The following MYH11 variants were observed in gnomAD, a reference collection of about 807,000 sequenced individuals.
MYH11 encodes the protein myosin-11.
MYH11 carries 80 observed loss-of-function variants against 246.6 expected under a neutral mutation model. The observed-to-expected ratio is 0.32, with a 90% CI of 0.27 to 0.39. MYH11 has a LOEUF of 0.39. MYH11 is among the 10% of genes least tolerant of loss of function. The pLI is 1.00. For missense variants in MYH11, 2,158 were observed against 2,546.8 expected (o/e 0.85, Z 3.29); for synonymous variants, 1,071 against 1,015.5 (o/e 1.05, Z -1.04).
chr16:15,797,603 A>ATG (rs2042773538), intron 4 of MYH11, among the ~76,000 whole-genome samples: 1 of 148,924 alleles, frequency 6.7e-6, no homozygotes, highest in Non-Finnish European at 1.5e-5. Context: ...GTAAATATAT[A>ATG]TATGCACAGT....
intron 8 of MYH11, among the ~76,000 whole-genome samples, chr16:15,774,341 T>C (rs935873711): frequency 2.6e-5 from 4 of 152,208 alleles, no homozygotes; most frequent in Non-Finnish European, 5.9e-5. Context: ...TACTTGCCCA[T>C]TTCTGGAAGA....
intron 1 of MYH11, among the ~76,000 whole-genome samples, chr16:15,838,765 C>T (rs2043973432): frequency 6.7e-6 from 1 of 148,926 alleles, no homozygotes; most frequent in African/African-American, 2.5e-5. Flanking sequence ...GAGGCTCAGG[C>T]AGAATTGCTC....
rs201616394 is a variant in MYH11 at position 15,839,378 on chromosome 16, G to T, written c.-17-1109C>A. Among the ~76,000 whole-genome samples, 3 of 152,030 alleles carry T rather than the reference G, an allele frequency of 2.0e-5. No individual in the cohort carries two copies. The East Asian group carries it at 5.8e-4, about 29-fold the overall frequency. ...GAAAAACTATTAGGCTGGTGCAAAC[G>T]TAAGTGTGGTTATTGAGATAGAAGG... is the stretch of plus-strand genomic sequence containing the variant. On this transcript the variant is annotated intron_variant, in intron 1 of 40. Coordinates refer to ENST00000300036, the MANE Select transcript of MYH11 (RefSeq NM_002474.3).
At chr16:15,721,275 C>T in intron 32 of MYH11, 147 bp downstream of exon 32, 3 of 1,035,590 alleles carry the variant, frequency 2.9e-6, no homozygotes, top group Non-Finnish European at 2.9e-6. Context: ...CCCCTCCCAG[C>T]CCCTGCACCA....
intron 40 of MYH11, chr16:15,708,710 G>C: frequency 7.5e-7 from 1 of 1,327,358 alleles, no homozygotes; most frequent in South Asian, 1.3e-5. Flanking sequence ...AATGTGCAAG[G>C]GTTTAAAAAT....
rs544908858 is a variant in MYH11, at chr16:15,770,960, C to CAGGT, written c.1033+608_1033+609insACCT. Among the ~76,000 whole-genome samples the CAGGT allele has an allele frequency of 1.6e-4, 24 of 151,918 alleles. No individual in the cohort carries two copies. In the East Asian group the frequency reaches 4.3e-3, roughly 27 times the overall value. ...TTAGGTTCTAGAAAAATCTTTTGAA[C>CAGGT]ACCTAGATCTCACTGTACCTGAAGC... On this transcript the variant is annotated intron_variant, in intron 9 of 40. Coordinates refer to ENST00000300036, the MANE Select transcript of MYH11 (RefSeq NM_002474.3).
Position 15,725,142 on chromosome 16 carries a change from A to T in MYH11, c.3859-150T>A, listed in dbSNP as rs2040688631. ...GAGGTATGGGACTCTGATAAAAAAA[A>T]AAAAAAACACACACACACACAAAAA... is the stretch of plus-strand genomic sequence containing the variant. On this transcript the variant is annotated intron_variant, in intron 28 of 40. Coordinates refer to ENST00000300036, the MANE Select transcript of MYH11 (RefSeq NM_002474.3). 5 of 663,976 alleles carry T rather than the reference A, an allele frequency of 7.5e-6. No individual in the cohort carries two copies. In the South Asian group the frequency reaches 8.6e-5, roughly 11 times the overall value. The allele number at this position is 663,976 out of a possible 1,614,324, so 41.1% of individuals were successfully genotyped here. A position where few individuals can be genotyped will look rare whatever the true frequency, so the allele number is the denominator to read the frequency against.
At chr16:15,762,650 C>G (rs555070485) in intron 10 of MYH11, among the ~76,000 whole-genome samples, 1 of 152,226 alleles carries the variant, frequency 6.6e-6, no homozygotes, top group Admixed American at 6.5e-5. Flanking sequence ...ATCAGCACCC[C>G]CAACTCACTG....
At chr16:15,735,333 A>C (rs776339963) in intron 26 of MYH11, 33 bp downstream of exon 26, 1 of 1,610,098 alleles carries the variant, frequency 6.2e-7, no homozygotes, top group Non-Finnish European at 8.5e-7. Flanking sequence ...GTGCAGTGGG[A>C]TAGCAGGATG....
intron 6 of MYH11, 76 bp from the exon 7 acceptor site, chr16:15,778,919 G>A: frequency 2.2e-6 from 3 of 1,377,250 alleles, no homozygotes; most frequent in Non-Finnish European, 3.1e-6. Flanking sequence ...GCAAGCAGGA[G>A]GCAGATGGTA....
intron 8 of MYH11, among the ~76,000 whole-genome samples, chr16:15,773,930 T>G (rs1368439797): frequency 6.6e-6 from 1 of 152,182 alleles, no homozygotes; most frequent in East Asian, 1.9e-4. Flanking sequence ...ACTTTATAAT[T>G]GCCTTTCTTT....
chr16:15,752,147 G>A (rs753102655), intron 15 of MYH11, among the ~76,000 whole-genome samples: 2 of 151,898 alleles, frequency 1.3e-5, no homozygotes, highest in African/African-American at 4.8e-5. Flanking sequence ...CAAGACTGTG[G>A]GTCCCGCAGA....
intron 40 of MYH11, among the ~76,000 whole-genome samples, chr16:15,712,653 G>C (rs2039869824): frequency 6.6e-6 from 1 of 152,076 alleles, no homozygotes; most frequent in African/African-American, 2.4e-5. Flanking sequence ...TTCGAGGTGA[G>C]GGATCAGCAG....
chr16:15,829,284 A>G (rs2043662657), intron 2 of MYH11, among the ~76,000 whole-genome samples: 1 of 152,184 alleles, frequency 6.6e-6, no homozygotes. Context: ...TATGACTTCC[A>G]TCCTCTTTGT....
chr16:15,730,075 TTC>T (rs2040914909), intron 27 of MYH11, among the ~76,000 whole-genome samples: 1 of 152,040 alleles, frequency 6.6e-6, no homozygotes. Flanking sequence ...CAGCTCCCCA[TTC>T]TCTCTCTTCT....
rs764170491 is a variant in MYH11, at chr16:15,720,991, G to C, written c.4639C>G (p.Gln1547Glu). ...AGCTCGTCCTCCAGCTCTTCCAGCTGCGTCTTCATCTCCTCCATCTGGGTC... is the reference window on the plus strand; with the variant it reads ...AGCTCGTCCTCCAGCTCTTCCAGCTCCGTCTTCATCTCCTCCATCTGGGTC... ...LETQMEEMKTQLEELEDELQA... is the reference protein window; with the variant it reads ...LETQMEEMKTELEELEDELQA... Residue 1547 changes from glutamine (Q) to glutamate (E), a missense_variant, in exon 33 of 41, where the codon CAG (glutamine) becomes GAG (glutamate). Gln to Glu is a conservative substitution (Grantham distance 29). Coordinates refer to ENST00000300036, the MANE Select transcript of MYH11 (RefSeq NM_002474.3). 6.2e-6 allele frequency: 10 copies of C among 1,613,988 alleles called. No homozygotes were observed. Among genetic ancestry groups the C allele is most frequent in the African/African-American group, 1.3e-5 (1 of 74,906 alleles).
At position 15,703,172 on chromosome 16, in the gene MYH11, A is replaced by C. The variant is rs2151157964; in HGVS notation, c.*819T>G. The C allele has an allele frequency of 5.1e-6, 1 of 195,470 alleles. No homozygotes were observed. Among genetic ancestry groups the C allele is most frequent in the East Asian group, 8.0e-5 (1 of 12,536 alleles). 12.1% of individuals were successfully genotyped at this position (195,470 alleles called of 1,614,324 possible). A position where few individuals can be genotyped will look rare whatever the true frequency, so the allele number is the denominator to read the frequency against. On this transcript the variant is annotated 3_prime_UTR_variant, in exon 41 of 41. Transcript: ENST00000300036. ...ACCATTTATTAGTGAAAGTGTTTTT[A>C]AGCACAGTCAGGGTGTAAACAGTGC...
chr16:15,817,796 A>AC (rs1158362702), intron 3 of MYH11, among the ~76,000 whole-genome samples: 4 of 151,372 alleles, frequency 2.6e-5, no homozygotes, highest in African/African-American at 4.9e-5. Flanking sequence ...ACCCATTCTC[A>AC]CCCCTACATT....
At chr16:15,818,125 G>A (rs899351304) in intron 3 of MYH11, among the ~76,000 whole-genome samples, 7 of 152,168 alleles carry the variant, frequency 4.6e-5, no homozygotes, top group African/African-American at 1.7e-4. Context: ...TTCAGTGCAT[G>A]TGTGTTACCC....
Sources: allele counts gnomAD v4.1 joint callset (sites outside exome capture counted in the v4.1 genomes callset), GRCh38; gene constraint gnomAD v4.1.1; transcripts MANE v1.5; gene names NCBI Gene and HGNC (gene_info 2026-07-23, HGNC 2026-07-21).